The following SH3RF2 variants were observed in gnomAD, a reference collection of about 807,000 sequenced individuals.
The protein encoded by SH3RF2 is SH3 domain containing ring finger 2, also known as E3 ubiquitin-protein ligase SH3RF2.
SH3RF2 carries 43 observed loss-of-function variants against 59.0 expected under a neutral mutation model. That is an observed-to-expected ratio of 0.73 (90% confidence interval 0.57 to 0.94). The LOEUF is 0.94. Among genes scored for constraint, SH3RF2 ranks in the 40% least tolerant of loss-of-function variants. SH3RF2 has a pLI of 0.00. For synonymous variants in SH3RF2, 391 were observed against 391.5 expected (o/e 1.00, Z 0.01); for missense variants, 930 against 940.1 (o/e 0.99, Z 0.14).
At chr5:146,026,363 A>C (rs1304945218) in intron 5 of SH3RF2, among the ~76,000 whole-genome samples, 1 of 152,228 alleles carries the variant, frequency 6.6e-6, no homozygotes, top group Non-Finnish European at 1.5e-5. Context: ...AAAGAATGTG[A>C]TCCTAGCACT....
chr5:145,948,797 C>G (rs1758087137), intron 2 of SH3RF2, among the ~76,000 whole-genome samples: 1 of 152,198 alleles, frequency 6.6e-6, no homozygotes, highest in African/African-American at 2.4e-5. Context: ...TTCCCAGTCT[C>G]CAGTGCTATC....
Position 145,938,041 on chromosome 5 carries a change from A to G in SH3RF2, c.113A>G (p.Gln38Arg). 6.2e-7 allele frequency: 1 copy of G among 1,614,228 alleles called. No homozygotes were observed. The highest frequency in any genetic ancestry group is 2.2e-5 in the East Asian group (1 of 44,890). Residue 38 changes from glutamine (Q) to arginine (R), a missense_variant, in exon 2 of 10, where the codon CAG becomes CGG. By Grantham distance (43) the Gln-to-Arg change is conservative (BLOSUM62 1). Coordinates refer to ENST00000359120, the MANE Select transcript of SH3RF2 (RefSeq NM_152550.4). ...CACACCTTCTGCAAACCATGTCTAC[A>G]GAGGGTTTTCAAGGCCCACAAAGAG... ...CQHTFCKPCL[Q>R]RVFKAHKELR...
chr5:146,029,884 C>T (rs1203372985), intron 5 of SH3RF2, among the ~76,000 whole-genome samples: 3 of 152,184 alleles, frequency 2.0e-5, no homozygotes, highest in African/African-American at 7.2e-5. Context: ...TCTCAATGCA[C>T]AAGCTTTGGG....
At chr5:145,956,278 A>T (rs1758402130) in intron 2 of SH3RF2, among the ~76,000 whole-genome samples, 1 of 151,918 alleles carries the variant, frequency 6.6e-6, no homozygotes, top group African/African-American at 2.4e-5. Context: ...TTTTATTTTT[A>T]TTTATTTTTT....
intron 5 of SH3RF2, among the ~76,000 whole-genome samples, chr5:146,021,238 C>A (rs1761306301): frequency 6.6e-6 from 1 of 151,836 alleles, no homozygotes. Context: ...CTTTGGACAC[C>A]CTCCCAGTTC....
At chr5:146,028,163 AACAC>A (rs10586561) in intron 5 of SH3RF2, among the ~76,000 whole-genome samples, 22,749 of 141,722 alleles carry the variant, frequency 0.16, 2,433 homozygotes, top group African/African-American at 0.32. Context: ...TGAGGCCTGC[AACAC>A]ACACACACAC....
downstream of SH3RF2, among the ~76,000 whole-genome samples, chr5:146,064,589 GAGAGA>G (rs375360002): frequency 0.7 from 42,197 of 60,428 alleles, 14,000 homozygotes; most frequent in South Asian, 0.84. Flanking sequence ...GGAAGGGGGA[GAGAGA>G]GAGAGAGAGA....
intron 3 of SH3RF2, among the ~76,000 whole-genome samples, chr5:146,001,544 G>C (rs1760407155): frequency 1.3e-5 from 2 of 152,186 alleles, no homozygotes; most frequent in African/African-American, 4.8e-5. Context: ...ACTACAGCTA[G>C]AGGAAAGTCA....
exon 10 of SH3RF2, chr5:146,081,333 G>C (rs1346014145): frequency 6.6e-6 from 1 of 151,968 alleles, no homozygotes; most frequent in Non-Finnish European, 1.5e-5. Flanking sequence ...GACACCAGAA[G>C]TCATGACCCT....
chr5:146,002,415 C>T (rs181656017), intron 3 of SH3RF2, among the ~76,000 whole-genome samples: 124 of 150,960 alleles, frequency 8.2e-4, no homozygotes, highest in African/African-American at 3.0e-3. Context: ...CGCGCCATTG[C>T]ACTCCAGCCT....
chr5:146,045,490 A>C lies in SH3RF2; in HGVS notation c.1060-2282A>C, dbSNP rs907211003. On this transcript the variant is annotated intron_variant, in intron 5 of 9. Transcript: ENST00000359120. Reference sequence around the variant, plus strand: ...GTTTAGCTATCACCTCATATTCCCCATCATCCCAACCCTTGGAAATTATCA... The same window carrying C: ...GTTTAGCTATCACCTCATATTCCCCCTCATCCCAACCCTTGGAAATTATCA... 2.6e-5 allele frequency among the ~76,000 whole-genome samples: 4 copies of C among 152,272 alleles called. No homozygotes were observed. The East Asian group carries it at 7.7e-4, about 29-fold the overall frequency.
At chr5:146,024,228 C>T (rs1041978244) in intron 5 of SH3RF2, among the ~76,000 whole-genome samples, 3 of 152,214 alleles carry the variant, frequency 2.0e-5, no homozygotes, top group Admixed American at 2.0e-4. Context: ...TTCCCCACAT[C>T]TTCGCCAACA....
At position 146,003,987 on chromosome 5, in the gene SH3RF2, C is replaced by T. The variant is rs189517447; in HGVS notation, c.649-71C>T. 8 of 1,308,412 alleles carry T rather than the reference C, an allele frequency of 6.1e-6. No homozygotes were observed. The African/African-American group carries it at 7.3e-5, about 12-fold the overall frequency. The allele number at this position is 1,308,412 out of a possible 1,614,324, so 81.1% of individuals were successfully genotyped here. A position where few individuals can be genotyped will look rare whatever the true frequency, so the allele number is the denominator to read the frequency against. On this transcript the variant is annotated intron_variant, in intron 3 of 9. Coordinates refer to ENST00000359120, the MANE Select transcript of SH3RF2 (RefSeq NM_152550.4). ...ACTTTACACCATCTGAGACTCCAAA[C>T]TGATCTCTGCTGAGAGCTTTTACTG...
chr5:146,015,560 A>G (rs565841069), intron 5 of SH3RF2, among the ~76,000 whole-genome samples: 3 of 152,328 alleles, frequency 2.0e-5, no homozygotes, highest in South Asian at 4.1e-4. Flanking sequence ...ATAGTCATAG[A>G]TATATAAAGT....
chr5:145,981,079 A>C (rs189457234), intron 2 of SH3RF2, among the ~76,000 whole-genome samples: 2 of 152,186 alleles, frequency 1.3e-5, no homozygotes, highest in Non-Finnish European at 2.9e-5. Context: ...TCAGTGTCTA[A>C]ATTTCCTCAA....
intron 5 of SH3RF2, among the ~76,000 whole-genome samples, chr5:146,028,088 A>G (rs1256875564): frequency 1.3e-5 from 2 of 150,766 alleles, no homozygotes; most frequent in African/African-American, 2.4e-5. Flanking sequence ...TGTACCTCAG[A>G]CATTTTAATG....
Position 145,937,976 on chromosome 5 carries a change from T to A in SH3RF2, c.48T>A (p.Phe16Leu). The A allele has an allele frequency of 6.2e-7, 1 of 1,614,168 alleles. No homozygotes were observed. Among genetic ancestry groups the A allele is most frequent in the Non-Finnish European group, 8.5e-7 (1 of 1,180,000 alleles). The change falls in exon 2 of 10, where the codon TTT becomes TTA. Residue 16 changes from phenylalanine to leucine, a missense_variant. By Grantham distance (22) the Phe-to-Leu change is conservative. Transcript: ENST00000359120. ...LLDLLECPVC[F>L]EKLDVTAKVL... ...ATCTTCTGGAGTGCCCTGTGTGCTT[T>A]GAGAAGCTCGATGTCACAGCCAAAG...
chr5:145,959,457 A>G (rs1758541498), intron 2 of SH3RF2, among the ~76,000 whole-genome samples: 1 of 152,132 alleles, frequency 6.6e-6, no homozygotes, highest in South Asian at 2.1e-4. Context: ...AAGAGCCTAT[A>G]AGGACCCAGA....
intron 9 of SH3RF2, among the ~76,000 whole-genome samples, chr5:146,070,197 C>T (rs1366523251): frequency 1.3e-5 from 2 of 152,138 alleles, no homozygotes; most frequent in African/African-American, 4.8e-5. Flanking sequence ...AGGACTAGAA[C>T]CCAGGACTCT....
Sources: gnomAD v4.1 joint callset for allele counts (sites outside exome capture counted in the v4.1 genomes callset) on GRCh38, gnomAD v4.1.1 for gene constraint, MANE v1.5 for transcripts, NCBI Gene and HGNC (gene_info 2026-07-23, HGNC 2026-07-21) for gene names.